BAIAP2L1: variants seen among roughly 807,000 people sequenced by gnomAD.
The protein encoded by BAIAP2L1 is BAR/IMD domain containing adaptor protein 2 like 1.
Under a neutral mutation model 66.3 loss-of-function variants are expected in BAIAP2L1, and 35 were observed. The ratio of observed to expected loss-of-function variants is 0.53; its 90% CI spans 0.40 to 0.70. BAIAP2L1 has a LOEUF of 0.70. BAIAP2L1 is among the 30% of genes least tolerant of loss of function. BAIAP2L1 has a pLI of 0.00. For synonymous variants in BAIAP2L1, 269 were observed against 248.7 expected (o/e 1.08, Z -0.77); for missense variants, 622 against 656.9 (o/e 0.95, Z 0.58).
In BAIAP2L1 at chr7:98,315,538, A is replaced by G; in HGVS notation, c.561T>C (p.Leu187=). 6.6e-7 allele frequency: 1 copy of G among 1,520,844 alleles called. No homozygotes were observed. The allele number at this position is 1,520,844 out of a possible 1,614,324, so 94.2% of individuals were successfully genotyped here. Residue 187 remains leucine, a synonymous_variant, in exon 7 of 14, where the codon CTT becomes CTC. Transcript: ENST00000005260. The stretch of plus-strand genomic sequence containing the variant: ...GAAAGCAGAAGCGCCTCTTCTCTTC[A>G]AGCAGAGCCTCTTTGCAACCATCTG... ...FIADGCKEAL[L]EEKRRFCFLV... is the part of the protein sequence containing the mutation.
intron 10 of BAIAP2L1, chr7:98,306,782 A>C: frequency 2.2e-6 from 1 of 455,836 alleles, no homozygotes; most frequent in Non-Finnish European, 4.0e-6. Flanking sequence ...ATCATAGCTC[A>C]CAGCAGCCTC....
At position 98,362,435 on chromosome 7, in the gene BAIAP2L1, G is replaced by T. The variant is rs748845475; in HGVS notation, c.52-3C>A. 1.3e-6 allele frequency: 2 copies of T among 1,592,004 alleles called. No homozygotes were observed. The highest frequency in any genetic ancestry group is 1.7e-6 in the Non-Finnish European group (2 of 1,173,546). Reference sequence around the variant, plus strand: ...GGATTGAACTGTTCCATAACATTCTGCCAAACAAACAAAACACACAAATTA... The same window carrying T: ...GGATTGAACTGTTCCATAACATTCTTCCAAACAAACAAAACACACAAATTA... On this transcript the variant is annotated splice_region_variant and splice_polypyrimidine_tract_variant and intron_variant, in intron 1 of 13. Transcript: ENST00000005260.
chr7:98,294,947 G>T (rs1454236407), intron 12 of BAIAP2L1, among the ~76,000 whole-genome samples: 1 of 152,130 alleles, frequency 6.6e-6, no homozygotes, highest in Non-Finnish European at 1.5e-5. Context: ...AAGCCTGGAG[G>T]GTTTAACACT....
intron 3 of BAIAP2L1, among the ~76,000 whole-genome samples, chr7:98,332,661 T>A (rs1801524552): frequency 6.6e-6 from 1 of 150,774 alleles, no homozygotes; most frequent in Admixed American, 6.6e-5. Flanking sequence ...TACAAAAAAT[T>A]AGCTGGGCCT....
intron 1 of BAIAP2L1, among the ~76,000 whole-genome samples, 177 bp downstream of exon 1, chr7:98,400,625 G>A (rs370800355): frequency 1.4e-5 from 2 of 146,090 alleles, no homozygotes; most frequent in South Asian, 4.5e-4. Context: ...GAGAGGGCCA[G>A]GGGAGGAAGA....
intron 1 of BAIAP2L1, among the ~76,000 whole-genome samples, chr7:98,374,399 A>G (rs1802574853): frequency 6.6e-6 from 1 of 152,224 alleles, no homozygotes; most frequent in African/African-American, 2.4e-5. Flanking sequence ...CACTTGATAG[A>G]CAAGATACCA....
intron 1 of BAIAP2L1, among the ~76,000 whole-genome samples, chr7:98,395,453 AGTT>A (rs947190872): frequency 4.7e-5 from 7 of 149,252 alleles, no homozygotes; most frequent in Non-Finnish European, 8.9e-5. Flanking sequence ...AAAAAAAAAA[AGTT>A]AGGAGAGGGG....
intron 1 of BAIAP2L1, among the ~76,000 whole-genome samples, chr7:98,369,490 A>T (rs911160591): frequency 1.3e-5 from 2 of 152,108 alleles, no homozygotes; most frequent in Non-Finnish European, 2.9e-5. Context: ...AAAATAAAAA[A>T]TTCATATGAT....
chr7:98,340,908 C>T (rs1488990354), intron 3 of BAIAP2L1, among the ~76,000 whole-genome samples: 1 of 151,292 alleles, frequency 6.6e-6, no homozygotes, highest in Non-Finnish European at 1.5e-5. Context: ...CCTGCCTCAG[C>T]CTCCCGAGTA....
intron 1 of BAIAP2L1, among the ~76,000 whole-genome samples, chr7:98,368,235 A>G (rs1215792725): frequency 5.9e-5 from 9 of 152,218 alleles, no homozygotes; most frequent in African/African-American, 1.4e-4. Flanking sequence ...CCTGGCCAAC[A>G]TGGTGAAACC....
intron 1 of BAIAP2L1, among the ~76,000 whole-genome samples, chr7:98,375,537 G>A (rs1012180390): frequency 2.0e-5 from 3 of 151,780 alleles, no homozygotes; most frequent in African/African-American, 7.3e-5. Flanking sequence ...ATCACCTGAG[G>A]TAAGGAGTTC....
At chr7:98,379,065 G>C (rs745962512) in intron 1 of BAIAP2L1, among the ~76,000 whole-genome samples, 4 of 152,000 alleles carry the variant, frequency 2.6e-5, no homozygotes, top group African/African-American at 9.7e-5. Context: ...TCCTGACCTC[G>C]TGATCTGACC....
intron 3 of BAIAP2L1, chr7:98,323,384 A>G (rs769397655): frequency 6.6e-6 from 1 of 152,238 alleles, no homozygotes; most frequent in Non-Finnish European, 1.5e-5. Flanking sequence ...ATTCTTGGCA[A>G]AGGAGATCTA....
chr7:98,340,745 C>T (rs1052981217), intron 3 of BAIAP2L1, among the ~76,000 whole-genome samples: 1 of 151,384 alleles, frequency 6.6e-6, no homozygotes, highest in Admixed American at 6.6e-5. Context: ...ATACTTACAC[C>T]AATGCGCCTA....
chr7:98,372,028 T>A (rs563599745), intron 1 of BAIAP2L1, among the ~76,000 whole-genome samples: 1 of 152,120 alleles, frequency 6.6e-6, no homozygotes, highest in East Asian at 2.0e-4. Context: ...TCTCCTGATC[T>A]CGTGATCCAC....
chr7:98,292,334 G>C lies in BAIAP2L1; in HGVS notation c.*1187C>G. ...CCTCCCGGGTTCAAGTGATTCTCCT[G>C]CCTCAGCCTCCTGAGTGGCGCCCAC... is the stretch of plus-strand genomic sequence containing the variant. On this transcript the variant is annotated 3_prime_UTR_variant, in exon 14 of 14. Coordinates refer to ENST00000005260, the MANE Select transcript of BAIAP2L1 (RefSeq NM_018842.5). 1 of 359,966 alleles carries C rather than the reference G, an allele frequency of 2.8e-6. No homozygotes were observed. The highest frequency in any genetic ancestry group is 3.1e-5 in the South Asian group (1 of 32,032). 22.3% of individuals were successfully genotyped at this position (359,966 alleles called of 1,614,324 possible). A position where few individuals can be genotyped will look rare whatever the true frequency, so the allele number is the denominator to read the frequency against.
chr7:98,306,299 G>A (rs1800653847), intron 11 of BAIAP2L1, 140 bp downstream of exon 11: 1 of 1,016,714 alleles, frequency 9.8e-7, no homozygotes, highest in Non-Finnish European at 1.5e-6. Context: ...AGCACTGTGA[G>A]CCGCGGTCTC....
At chr7:98,339,940 G>T (rs965281049) in intron 3 of BAIAP2L1, among the ~76,000 whole-genome samples, 1 of 152,164 alleles carries the variant, frequency 6.6e-6, no homozygotes. Flanking sequence ...CCAATTATCC[G>T]GCCCAGTTGT....
In BAIAP2L1 at chr7:98,333,700, T is replaced by C. The variant is rs1335397846; in HGVS notation, c.215-13402A>G. On this transcript the variant is annotated intron_variant, in intron 3 of 13. Coordinates refer to ENST00000005260, the MANE Select transcript of BAIAP2L1 (RefSeq NM_018842.5). ...CTTGATTATTAGACATTTGGTTTTA[T>C]GTCATTTTCAGAATACCAAGGGATA... Among the ~76,000 whole-genome samples the C allele has an allele frequency of 2.0e-5, 3 of 152,220 alleles. No homozygotes were observed. The East Asian group carries it at 5.8e-4, about 29-fold the overall frequency.
Sources: gnomAD v4.1 joint callset for allele counts (sites outside exome capture counted in the v4.1 genomes callset) on GRCh38, gnomAD v4.1.1 for gene constraint, MANE v1.5 for transcripts, NCBI Gene and HGNC (gene_info 2026-07-23, HGNC 2026-07-21) for gene names.